Variants in ASH1L observed in about 807,000 individuals in gnomAD.
The protein encoded by ASH1L is histone-lysine N-methyltransferase ASH1L.
ASH1L carries 23 observed loss-of-function variants against 269.0 expected under a neutral mutation model. The ratio of observed to expected loss-of-function variants is 0.09; its 90% CI spans 0.06 to 0.12. The LOEUF (loss-of-function observed/expected upper bound fraction) is 0.12, where lower values mean the gene tolerates loss of function less well. Ranked by LOEUF, ASH1L falls within the 10% of genes least tolerant of loss-of-function variation. The pLI is 1.00. For synonymous variants in ASH1L, 1,187 were observed against 1,253.5 expected, an observed-to-expected ratio of 0.95 and a Z score of 1.12; for missense variants, 2,912 against 3,567.8, an observed-to-expected ratio of 0.82 and a Z score of 4.68.
chr1:155,392,057 T>C (rs1657977324), intron 7 of ASH1L, among the ~76,000 whole-genome samples: 1 of 152,174 alleles, frequency 6.6e-6, no homozygotes, highest in African/African-American at 2.4e-5. Flanking sequence ...CCAAAATCTG[T>C]AACACTCTCT....
chr1:155,422,334 A>G (rs1342176111), intron 5 of ASH1L, among the ~76,000 whole-genome samples: 1 of 131,916 alleles, frequency 7.6e-6, no homozygotes, highest in Non-Finnish European at 1.6e-5. Context: ...TTGAGATGGC[A>G]TCTTGCTCTT....
intron 5 of ASH1L, chr1:155,433,651 G>A (rs1241096203): frequency 3.7e-6 from 6 of 1,605,238 alleles, no homozygotes; most frequent in Non-Finnish European, 5.1e-6. Flanking sequence ...AGCAGAAGAG[G>A]ATCACCCTGG....
intron 2 of ASH1L, among the ~76,000 whole-genome samples, chr1:155,504,030 C>A (rs1427288291): frequency 6.6e-6 from 1 of 152,092 alleles, no homozygotes. Flanking sequence ...GCCCATAACT[C>A]TTGACATAAG....
rs148731439 is a variant in ASH1L, at chr1:155,514,239, C to T, written c.420+6861G>A. Among the ~76,000 whole-genome samples, 16 of 152,258 alleles carry T rather than the reference C, an allele frequency of 1.1e-4. No homozygotes were observed. The East Asian group carries it at 3.1e-3, about 29-fold the overall frequency. ...CATGGTCGCACAAAAAGTGCATCTACCTAATGCCACAAAATTATACACTTA... is the reference window on the plus strand; with the variant it reads ...CATGGTCGCACAAAAAGTGCATCTATCTAATGCCACAAAATTATACACTTA... On this transcript the variant is annotated intron_variant, in intron 2 of 27. Coordinates refer to ENST00000392403, the MANE Select transcript of ASH1L (RefSeq NM_018489.3).
chr1:155,444,912 C>G (rs1042608827), intron 4 of ASH1L, among the ~76,000 whole-genome samples: 1 of 142,418 alleles, frequency 7.0e-6, no homozygotes, highest in Non-Finnish European at 1.5e-5. Context: ...CCACCGCGCC[C>G]GGCCAAGTCA....
Position 155,349,342 on chromosome 1 carries a change from G to A in ASH1L, c.7539C>T (p.Val2513=). Residue 2513 remains valine (V), a synonymous_variant, in exon 19 of 28, where the codon GTC becomes GTT. Coordinates refer to ENST00000392403, the MANE Select transcript of ASH1L (RefSeq NM_018489.3). ...TGAAAAATACCTCAGCATTCCGAAAGACTTTGAGCATGTCAGCATCAAAAG... is the reference window on the plus strand; with the variant it reads ...TGAAAAATACCTCAGCATTCCGAAAAACTTTGAGCATGTCAGCATCAAAAG... ...VEAFDADMLK[V]FRNAEKYYGR... 1 of 1,612,638 alleles carries A rather than the reference G, an allele frequency of 6.2e-7. No homozygotes were observed. Among genetic ancestry groups the A allele is most frequent in the East Asian group, 2.2e-5 (1 of 44,862 alleles).
chr1:155,453,323 C>T (rs569907023), intron 4 of ASH1L, among the ~76,000 whole-genome samples: 1 of 152,044 alleles, frequency 6.6e-6, no homozygotes, highest in East Asian at 1.9e-4. Flanking sequence ...CAACTGCACT[C>T]CAGTCTGGGT....
At chr1:155,411,582 A>ATATATATATATATATATATATAT (rs1659775685) in intron 6 of ASH1L, among the ~76,000 whole-genome samples, 5 of 48,412 alleles carry the variant, frequency 1.0e-4, no homozygotes, top group Admixed American at 2.8e-4. Context: ...TAAATAAATA[A>ATATATATATATATATATATATAT]ATAAATATAT....
chr1:155,410,792 G>A (rs1659700406), intron 6 of ASH1L, among the ~76,000 whole-genome samples: 1 of 149,898 alleles, frequency 6.7e-6, no homozygotes, highest in Non-Finnish European at 1.5e-5. Context: ...TTTTAGTAGA[G>A]ACAAGGTCTT....
At chr1:155,441,929 C>T (rs1662614403) in intron 4 of ASH1L, among the ~76,000 whole-genome samples, 1 of 151,960 alleles carries the variant, frequency 6.6e-6, no homozygotes, top group African/African-American at 2.4e-5. Flanking sequence ...ACATGCCCAG[C>T]TACTTTTTTG....
At chr1:155,473,162 G>A (rs575607801) in intron 3 of ASH1L, among the ~76,000 whole-genome samples, 1 of 152,150 alleles carries the variant, frequency 6.6e-6, no homozygotes, top group African/African-American at 2.4e-5. Context: ...GCTGAACGAA[G>A]GAGTACACCA....
At position 155,392,741 on chromosome 1, in the gene ASH1L, G is replaced by A. The variant is rs141803884; in HGVS notation, c.6103+2718C>T. 7.3e-3 allele frequency among the ~76,000 whole-genome samples: 1,105 copies of A among 152,112 alleles called. 17 individuals carry two copies. The highest frequency in any genetic ancestry group is 0.025 in the African/African-American group (1,033 of 41,496). ...TGACCTCAGGTGATCCACCTGCCTC[G>A]GCCTCCCAAAGTGCTGGGATTACAG... is the stretch of plus-strand genomic sequence containing the variant. On this transcript the variant is annotated intron_variant, in intron 7 of 27. Coordinates refer to ENST00000392403, the MANE Select transcript of ASH1L (RefSeq NM_018489.3).
At chr1:155,502,317 G>A (rs1667566354) in intron 2 of ASH1L, among the ~76,000 whole-genome samples, 1 of 151,914 alleles carries the variant, frequency 6.6e-6, no homozygotes, top group Non-Finnish European at 1.5e-5. Flanking sequence ...TGATTCGCCC[G>A]CCTTGGCCTC....
intron 5 of ASH1L, 89 bp from the exon 6 acceptor site, chr1:155,416,012 AT>A: frequency 8.7e-7 from 1 of 1,153,316 alleles, no homozygotes; most frequent in Non-Finnish European, 1.2e-6. Context: ...AACCATAGCA[AT>A]TAAAAAAAGA....
chr1:155,523,425 G>A (rs921792936), intron 1 of ASH1L, among the ~76,000 whole-genome samples: 3 of 152,168 alleles, frequency 2.0e-5, no homozygotes, highest in Non-Finnish European at 4.4e-5. Flanking sequence ...CTTGAAGGTC[G>A]AGGCTGCAGT....
At chr1:155,502,383 A>G (rs1445967995) in intron 2 of ASH1L, among the ~76,000 whole-genome samples, 1 of 152,098 alleles carries the variant, frequency 6.6e-6, no homozygotes, top group Non-Finnish European at 1.5e-5. Context: ...AGTGTATTCA[A>G]AAGCAAAATC....
chr1:155,481,461 A>C lies in ASH1L; in HGVS notation c.1409T>G (p.Val470Gly). 6.2e-7 allele frequency: 1 copy of C among 1,614,062 alleles called. No individual in the cohort carries two copies. Among genetic ancestry groups the C allele is most frequent in the Non-Finnish European group, 8.5e-7 (1 of 1,179,986 alleles). ...ATSKTFEKNVVRQNKESILEK... is the reference protein window; with the variant it reads ...ATSKTFEKNVGRQNKESILEK... ...CAATATGCTTTCTTTATTCTGCCGT[A>C]CAACATTCTTTTCAAAAGTTTTGCT... The change falls in exon 3 of 28, where the codon GTA (valine) becomes GGA (glycine). Residue 470 changes from valine to glycine, a missense_variant. Val to Gly is a moderately radical substitution (Grantham distance 109). Transcript: ENST00000392403.
chr1:155,339,318 T>A lies in ASH1L; in HGVS notation c.8501+10A>T. On this transcript the variant is annotated intron_variant, in intron 26 of 27. Coordinates refer to ENST00000392403, the MANE Select transcript of ASH1L (RefSeq NM_018489.3). ...CCCTTAGGATCCTCATATCCCCCCA[T>A]GGGACTTACCGTCCTCCATTCCTCT... The A allele has an allele frequency of 6.2e-7, 1 of 1,612,682 alleles. No individual in the cohort carries two copies. Among genetic ancestry groups the A allele is most frequent in the Admixed American group, 1.7e-5 (1 of 59,984 alleles).
rs1672058537 is a variant in ASH1L at position 155,562,377 on chromosome 1, G to A, written c.-324C>T. ...GAGGGGAGGCGGGTCCCGCAACCGA[G>A]ACTGGGATCGTCTCCCCTCCGCAAA... On this transcript the variant is annotated 5_prime_UTR_variant, in exon 1 of 28. Coordinates refer to ENST00000392403, the MANE Select transcript of ASH1L (RefSeq NM_018489.3). 2 of 1,508,672 alleles carry A rather than the reference G, an allele frequency of 1.3e-6. No homozygotes were observed. The highest frequency in any genetic ancestry group is 1.4e-5 in the African/African-American group (1 of 72,374). 93.5% of individuals were successfully genotyped at this position (1,508,672 alleles called of 1,614,324 possible).
Sources: allele counts gnomAD v4.1 joint callset (sites outside exome capture counted in the v4.1 genomes callset), GRCh38; gene constraint gnomAD v4.1.1; transcripts MANE v1.5; gene names NCBI Gene and HGNC (gene_info 2026-07-23, HGNC 2026-07-21).